The following DYSF variants were observed in gnomAD, a reference collection of about 807,000 sequenced individuals.
DYSF encodes the protein dystrophy-associated fer-1-like 1.
DYSF carries 212 observed loss-of-function variants against 274.9 expected under a neutral mutation model. The ratio of observed to expected loss-of-function variants is 0.77; its 90% CI spans 0.69 to 0.86. The LOEUF (loss-of-function observed/expected upper bound fraction) is 0.86. Among genes scored for constraint, DYSF ranks in the 40% least tolerant of loss-of-function variants. The pLI is 0.00. For missense variants in DYSF, 2,666 were observed against 2,783.2 expected (o/e 0.96, Z 0.95); for synonymous variants, 1,091 against 1,078.7 (o/e 1.01, Z -0.22).
At chr2:71,473,344 T>C (rs1476336192) in intron 1 of DYSF, among the ~76,000 whole-genome samples, 1 of 152,234 alleles carries the variant, frequency 6.6e-6, no homozygotes, top group Non-Finnish European at 1.5e-5. Context: ...TCTGTCACTT[T>C]CTTGGTCTTA....
chr2:71,532,428 C>G (rs1378375595), intron 14 of DYSF, among the ~76,000 whole-genome samples: 1 of 152,024 alleles, frequency 6.6e-6, no homozygotes, highest in African/African-American at 2.4e-5. Context: ...AAAGGTAAAG[C>G]AAGAAAAAAA....
chr2:71,667,276 T>C, intron 47 of DYSF, 100 bp from the exon 48 acceptor site: 2 of 1,580,122 alleles, frequency 1.3e-6, no homozygotes, highest in Admixed American at 3.3e-5. Context: ...TAGAGCTTCT[T>C]ATGACTCTTA....
At chr2:71,618,380 G>A (rs1327937034) in intron 40 of DYSF, among the ~76,000 whole-genome samples, 6 of 73,420 alleles carry the variant, frequency 8.2e-5, no homozygotes, top group African/African-American at 2.8e-4. Flanking sequence ...GGCATGTGTG[G>A]TAGAGGTGGT....
chr2:71,581,645 C>G (rs561863366), intron 30 of DYSF, among the ~76,000 whole-genome samples: 1 of 152,284 alleles, frequency 6.6e-6, no homozygotes, highest in African/African-American at 2.4e-5. Context: ...CTGGGAAGAG[C>G]CTTGAGAGTG....
At chr2:71,598,467 C>T (rs1392625870) in intron 32 of DYSF, 97 bp from the exon 33 acceptor site, 1 of 1,441,124 alleles carries the variant, frequency 6.9e-7, no homozygotes, top group African/African-American at 1.4e-5. Flanking sequence ...CAGCCACAAC[C>T]CTGCTCCAGC....
At chr2:71,616,535 A>G (rs1228082202) in intron 40 of DYSF, among the ~76,000 whole-genome samples, 1 of 152,008 alleles carries the variant, frequency 6.6e-6, no homozygotes, top group Non-Finnish European at 1.5e-5. Flanking sequence ...GGTGCTGGCC[A>G]GAGGTGTGTC....
intron 42 of DYSF, among the ~76,000 whole-genome samples, chr2:71,646,894 T>G (rs1252565406): frequency 6.6e-6 from 1 of 152,044 alleles, no homozygotes; most frequent in East Asian, 1.9e-4. Flanking sequence ...AAACAATATT[T>G]TAGCAAACAA....
intron 4 of DYSF, among the ~76,000 whole-genome samples, chr2:71,505,998 C>G (rs547971697): frequency 1.1e-3 from 166 of 152,324 alleles, no homozygotes; most frequent in African/African-American, 3.8e-3. Context: ...CCAACCAACC[C>G]TGTATCAGCT....
At chr2:71,556,776 C>A (rs2091369333) in intron 22 of DYSF, among the ~76,000 whole-genome samples, 1 of 152,190 alleles carries the variant, frequency 6.6e-6, no homozygotes, top group Non-Finnish European at 1.5e-5. Context: ...CTTCTCTGGA[C>A]TTTAGTTTTC....
chr2:71,484,797 A>G (rs912161187), intron 3 of DYSF, among the ~76,000 whole-genome samples: 4 of 149,356 alleles, frequency 2.7e-5, no homozygotes, highest in African/African-American at 7.5e-5. Context: ...TTTTTGGCCA[A>G]TTCAAGGACC....
In DYSF at chr2:71,665,210, C is replaced by A; in HGVS notation, c.5223C>A (p.Leu1741=). 6.2e-7 allele frequency: 1 copy of A among 1,614,080 alleles called. No homozygotes were observed. Among genetic ancestry groups the A allele is most frequent in the East Asian group, 2.2e-5 (1 of 44,870 alleles). ...ACCAGCTCCGCCCCTCCCAGCTCCT[C>A]CACCTCTTCTGCCAGCAGCATAGAG... ...WRDQLRPSQL[L]HLFCQQHRVK... The change falls in exon 47 of 56, where the codon CTC becomes CTA. Residue 1741 remains leucine (L), a synonymous_variant. Transcript: ENST00000410020.
chr2:71,588,301 G>T (rs1476825103), intron 30 of DYSF, among the ~76,000 whole-genome samples: 1 of 152,168 alleles, frequency 6.6e-6, no homozygotes, highest in Non-Finnish European at 1.5e-5. Flanking sequence ...GTGACCGAGG[G>T]TGATGAAGCT....
At chr2:71,467,702 A>G (rs2081636884) in intron 1 of DYSF, among the ~76,000 whole-genome samples, 1 of 152,160 alleles carries the variant, frequency 6.6e-6, no homozygotes, top group Non-Finnish European at 1.5e-5. Context: ...AAGGAACAAT[A>G]GCTGTGAGTC....
At chr2:71,618,974 T>C (rs769186262) in intron 40 of DYSF, among the ~76,000 whole-genome samples, 2 of 151,922 alleles carry the variant, frequency 1.3e-5, no homozygotes. Context: ...TTATAGTCTC[T>C]GGGATGCCGT....
chr2:71,565,154 C>T (rs1197855604), intron 24 of DYSF, among the ~76,000 whole-genome samples: 3 of 151,822 alleles, frequency 2.0e-5, no homozygotes, highest in African/African-American at 7.3e-5. Flanking sequence ...GATCTCCACT[C>T]ACTGCAGCCT....
chr2:71,538,022 G>A (rs1267364600), intron 16 of DYSF, among the ~76,000 whole-genome samples: 1 of 152,224 alleles, frequency 6.6e-6, no homozygotes, highest in African/African-American at 2.4e-5. Context: ...TAGCCTACCC[G>A]GGAAGCAGCA....
At chr2:71,667,784 C>G (rs1448515071) in intron 48 of DYSF, among the ~76,000 whole-genome samples, 2 of 152,188 alleles carry the variant, frequency 1.3e-5, no homozygotes, top group Admixed American at 6.5e-5. Context: ...CCTCCGACCT[C>G]TCCTTGTCAT....
intron 48 of DYSF, among the ~76,000 whole-genome samples, 174 bp from the exon 49 acceptor site, chr2:71,668,580 G>A (rs1295781485): frequency 6.6e-6 from 1 of 152,348 alleles, no homozygotes; most frequent in African/African-American, 2.4e-5. Flanking sequence ...GGCCTGTGGG[G>A]CAGTGGTCAC....
intron 4 of DYSF, among the ~76,000 whole-genome samples, chr2:71,503,892 T>A (rs1449446055): frequency 6.6e-6 from 1 of 152,236 alleles, no homozygotes; most frequent in Non-Finnish European, 1.5e-5. Context: ...GTGAGCTAAA[T>A]ATACCCTGTA....
Sources: allele counts gnomAD v4.1 joint callset (sites outside exome capture counted in the v4.1 genomes callset), GRCh38; gene constraint gnomAD v4.1.1; transcripts MANE v1.5; gene names NCBI Gene and HGNC (gene_info 2026-07-23, HGNC 2026-07-21).